CLIC5: variants seen among roughly 807,000 people sequenced by gnomAD.
The protein encoded by CLIC5 is chloride intracellular channel protein 5.
CLIC5 carries 20 observed loss-of-function variants against 24.7 expected under a neutral mutation model. The ratio of observed to expected loss-of-function variants is 0.81; its 90% CI spans 0.57 to 1.18. CLIC5 has a LOEUF of 1.18. Among genes scored for constraint, CLIC5 ranks in the 50% most tolerant of loss-of-function variants. The probability of loss-of-function intolerance (pLI) is 0.00; values close to 1 mark genes in which losing one functional copy is unlikely to be tolerated. For synonymous variants in CLIC5, 159 were observed against 135.6 expected (o/e 1.17, Z -1.20); for missense variants, 341 against 326.1 (o/e 1.05, Z -0.35).
the CLIC5 span, among the ~76,000 whole-genome samples, chr6:46,124,408 C>T: frequency 1.3e-5 from 2 of 152,216 alleles, no homozygotes; most frequent in East Asian, 3.8e-4. Context: ...GGATCCCTTC[C>T]TTACACCCTA....
chr6:46,126,249 T>C, the CLIC5 span, among the ~76,000 whole-genome samples: 1 of 152,208 alleles, frequency 6.6e-6, no homozygotes, highest in African/African-American at 2.4e-5. Flanking sequence ...GAATGAATGC[T>C]GGGCAGGCAA....
At chr6:46,062,199 T>A (rs763441850) in intron 1 of CLIC5, among the ~76,000 whole-genome samples, 1 of 152,258 alleles carries the variant, frequency 6.6e-6, no homozygotes, top group Non-Finnish European at 1.5e-5. Context: ...AGAGAGCTGC[T>A]ATTGTAAATA....
chr6:46,079,615 G>T, intron 1 of CLIC5: 1 of 1,116,024 alleles, frequency 9.0e-7, no homozygotes, highest in Non-Finnish European at 1.3e-6. Context: ...ATGGCATTAT[G>T]AATCTTTCCC....
At chr6:46,028,852 T>G (rs1239110373) in intron 1 of CLIC5, among the ~76,000 whole-genome samples, 2 of 152,224 alleles carry the variant, frequency 1.3e-5, no homozygotes, top group Non-Finnish European at 1.5e-5. Flanking sequence ...TTACATTTAC[T>G]CTTGGTATTA....
At chr6:46,052,226 T>C (rs1265640495) in intron 1 of CLIC5, among the ~76,000 whole-genome samples, 2 of 152,172 alleles carry the variant, frequency 1.3e-5, no homozygotes, top group Non-Finnish European at 2.9e-5. Context: ...TGTTTGCAAA[T>C]TGAAGTGCTG....
At position 45,901,768 on chromosome 6, in the gene CLIC5, T is replaced by TC. The variant is rs11392618; in HGVS notation, c.*1319_*1320insG. ...GAAATATTAGCTTAAAAATTTTTCC[T>TC]TTTTTTTTTCACCTGGCAGTTGAGT... On this transcript the variant is annotated 3_prime_UTR_variant, in exon 6 of 6. Transcript: ENST00000339561. 1 of 114,780 alleles carries TC rather than the reference T, an allele frequency of 8.7e-6. No individual in the cohort carries two copies. The highest frequency in any genetic ancestry group is 2.6e-4 in the East Asian group (1 of 3,896). The allele number at this position is 114,780 out of a possible 1,614,324, so 7.1% of individuals were successfully genotyped here.
chr6:46,049,242 A>T (rs548885472), intron 1 of CLIC5, among the ~76,000 whole-genome samples: 11 of 152,178 alleles, frequency 7.2e-5, no homozygotes, highest in African/African-American at 2.7e-4. Context: ...AGGGAAGATG[A>T]ATAGGTTTCA....
At chr6:46,093,766 G>C in the CLIC5 span, among the ~76,000 whole-genome samples, 2 of 152,168 alleles carry the variant, frequency 1.3e-5, no homozygotes, top group Non-Finnish European at 2.9e-5. Flanking sequence ...TGATCTAGCA[G>C]TTCTTCTCCT....
Position 46,080,126 on chromosome 6 carries a change from G to C in CLIC5, c.117C>G (p.Tyr39Ter). The change falls in exon 1 of 6, where the codon TAC becomes TAG. Residue 39 changes from tyrosine (Y) to a stop codon, truncating the protein, a stop_gained. Coordinates refer to the CLIC5 transcript ENST00000185206. LOFTEE classifies it high-confidence loss of function. ...CATATAAATCATTTTCTGGCCTTAA[G>C]TACTCATGGACATCATCATAATGGG... The C allele has an allele frequency of 1.3e-6, 2 of 1,551,678 alleles. No homozygotes were observed. Among genetic ancestry groups the C allele is most frequent in the Non-Finnish European group, 1.7e-6 (2 of 1,146,964 alleles).
intron 5 of CLIC5, among the ~76,000 whole-genome samples, chr6:45,905,611 A>G (rs1762639585): frequency 1.3e-5 from 2 of 149,920 alleles, no homozygotes; most frequent in Non-Finnish European, 3.0e-5. Flanking sequence ...TAAGTTCCTT[A>G]TAGATTCTGG....
chr6:46,116,947 C>T, the CLIC5 span, among the ~76,000 whole-genome samples: 2 of 152,154 alleles, frequency 1.3e-5, no homozygotes, highest in East Asian at 3.8e-4. Context: ...ATATAAAGGG[C>T]ATGCTTATTT....
In CLIC5 at chr6:46,007,416, C is replaced by T. The variant is rs187958755; in HGVS notation, c.63+8064G>A. ...TGCTGAGTCTTCGGTGTTGGTGCCC[C>T]TAATATACACTATTTGCACAGGCTT... On this transcript the variant is annotated intron_variant, in intron 1 of 5. Coordinates refer to ENST00000339561, the MANE Select transcript of CLIC5 (RefSeq NM_016929.5). 5.9e-5 allele frequency among the ~76,000 whole-genome samples: 9 copies of T among 152,276 alleles called. No individual in the cohort carries two copies. In the East Asian group the frequency reaches 9.6e-4, roughly 16 times the overall value.
intron 1 of CLIC5, among the ~76,000 whole-genome samples, chr6:46,074,107 C>T (rs907588378): frequency 3.9e-5 from 6 of 151,926 alleles, no homozygotes; most frequent in Admixed American, 1.3e-4. Flanking sequence ...ATTGCATATC[C>T]CTATCAATAT....
chr6:45,998,706 T>C (rs1367929227), intron 1 of CLIC5, among the ~76,000 whole-genome samples: 1 of 152,168 alleles, frequency 6.6e-6, no homozygotes, highest in African/African-American at 2.4e-5. Flanking sequence ...CAGGTGAATA[T>C]GGCCACTCTC....
intron 6 of CLIC5, among the ~76,000 whole-genome samples, chr6:45,885,128 A>G (rs1376782450): frequency 6.6e-6 from 1 of 152,024 alleles, no homozygotes; most frequent in African/African-American, 2.4e-5. Context: ...CCCCAAACTC[A>G]TATGTTGAAA....
intron 1 of CLIC5, among the ~76,000 whole-genome samples, chr6:45,974,400 TTA>T (rs544074858): frequency 6.6e-6 from 1 of 150,654 alleles, no homozygotes; most frequent in South Asian, 2.1e-4. Context: ...ACAATTATAT[TTA>T]TATATAGGGC....
chr6:45,921,834 G>A (rs1445068767), intron 4 of CLIC5, among the ~76,000 whole-genome samples: 1 of 152,134 alleles, frequency 6.6e-6, no homozygotes, highest in Admixed American at 6.5e-5. Flanking sequence ...TTCTTAGTTT[G>A]ACAGTTTAGA....
At chr6:46,076,545 T>C (rs1019672176) in intron 1 of CLIC5, among the ~76,000 whole-genome samples, 4 of 152,134 alleles carry the variant, frequency 2.6e-5, no homozygotes, top group Admixed American at 1.3e-4. Context: ...GAATGAGATC[T>C]GCTTCTAGAA....
chr6:45,982,651 T>C (rs1199043431), intron 1 of CLIC5, among the ~76,000 whole-genome samples: 1 of 152,086 alleles, frequency 6.6e-6, no homozygotes, highest in Non-Finnish European at 1.5e-5. Flanking sequence ...AGTATTATAA[T>C]TTTATGGGAC....
Sources: gnomAD v4.1 joint callset for allele counts (sites outside exome capture counted in the v4.1 genomes callset) on GRCh38, gnomAD v4.1.1 for gene constraint, MANE v1.5 for transcripts, NCBI Gene and HGNC (gene_info 2026-07-23, HGNC 2026-07-21) for gene names.